The following TCF7L2 variants were observed in gnomAD, a reference collection of about 807,000 sequenced individuals.
The protein encoded by TCF7L2 is transcription factor 7 like 2, also known as transcription factor 7-like 2.
In TCF7L2, 23 loss-of-function variants were observed where a neutral mutation model predicts 77.9. The observed-to-expected ratio is 0.30, with a 90% CI of 0.21 to 0.42. The LOEUF (loss-of-function observed/expected upper bound fraction) is 0.42, where lower values mean the gene tolerates loss of function less well. TCF7L2 is among the 10% of genes least tolerant of loss of function. TCF7L2 has a pLI of 1.00. For synonymous variants in TCF7L2, 413 were observed against 340.2 expected, an observed-to-expected ratio of 1.21 and a Z score of -2.36; for missense variants, 654 against 793.1, an observed-to-expected ratio of 0.82 and a Z score of 2.11.
intron 5 of TCF7L2, among the ~76,000 whole-genome samples, chr10:113,104,781 C>T (rs2062076032): frequency 6.6e-6 from 1 of 152,214 alleles, no homozygotes; most frequent in African/African-American, 2.4e-5. Context: ...CAATTCTACT[C>T]TTCTGGCTGT....
intron 8 of TCF7L2, among the ~76,000 whole-genome samples, chr10:113,147,113 T>A (rs2069614350): frequency 6.6e-6 from 1 of 152,230 alleles, no homozygotes. Context: ...AGTTTTATTT[T>A]CTGTTCATCT....
intron 5 of TCF7L2, chr10:113,089,644 C>T: frequency 7.2e-7 from 1 of 1,395,228 alleles, no homozygotes; most frequent in South Asian, 1.5e-5. Context: ...CCACTGCGAT[C>T]CCTGAATTCT....
chr10:112,968,160 T>C (rs992228211), intron 4 of TCF7L2, among the ~76,000 whole-genome samples: 2 of 152,162 alleles, frequency 1.3e-5, no homozygotes, highest in Admixed American at 6.5e-5. Context: ...AGACACTAAA[T>C]GTTTTGGGCT....
chr10:113,054,010 AG>A (rs2054918537), intron 5 of TCF7L2, among the ~76,000 whole-genome samples: 1 of 152,140 alleles, frequency 6.6e-6, no homozygotes, highest in Non-Finnish European at 1.5e-5. Flanking sequence ...GGGGAGAGGC[AG>A]GTTTCCGGAC....
At chr10:112,981,078 C>T (rs1481793338) in intron 4 of TCF7L2, among the ~76,000 whole-genome samples, 1 of 152,148 alleles carries the variant, frequency 6.6e-6, no homozygotes, top group Non-Finnish European at 1.5e-5. Context: ...AACATTCTTA[C>T]CAAACCACCA....
intron 4 of TCF7L2, among the ~76,000 whole-genome samples, chr10:113,015,112 T>A (rs2047120682): frequency 6.6e-6 from 1 of 151,554 alleles, no homozygotes; most frequent in South Asian, 2.1e-4. Flanking sequence ...CCAGAACCTA[T>A]GAGGTGGAGG....
chr10:113,055,863 G>A (rs2055283319), intron 5 of TCF7L2, among the ~76,000 whole-genome samples: 1 of 152,224 alleles, frequency 6.6e-6, no homozygotes. Flanking sequence ...CAGATAGTTG[G>A]TGCAGGAATT....
At chr10:113,088,944 A>C (rs956123058) in intron 5 of TCF7L2, among the ~76,000 whole-genome samples, 5 of 152,060 alleles carry the variant, frequency 3.3e-5, no homozygotes, top group Non-Finnish European at 7.4e-5. Flanking sequence ...TCTCTTAGAA[A>C]AAAAAAAAAA....
chr10:113,061,747 C>T (rs2056480208), intron 5 of TCF7L2, among the ~76,000 whole-genome samples: 1 of 152,180 alleles, frequency 6.6e-6, no homozygotes, highest in African/African-American at 2.4e-5. Context: ...GTACAGTTCA[C>T]GTTCTGATCT....
chr10:113,146,811 A>C (rs2069525752), intron 8 of TCF7L2, among the ~76,000 whole-genome samples: 1 of 152,186 alleles, frequency 6.6e-6, no homozygotes, highest in Admixed American at 6.5e-5. Context: ...AGCACTTCTC[A>C]GTTTAGACTG....
intron 5 of TCF7L2, among the ~76,000 whole-genome samples, chr10:113,042,384 C>T (rs954045831): frequency 1.3e-5 from 2 of 152,156 alleles, no homozygotes; most frequent in African/African-American, 4.8e-5. Context: ...TTCTGCTGTG[C>T]TCAAGGGGAT....
intron 5 of TCF7L2, among the ~76,000 whole-genome samples, chr10:113,044,540 C>A (rs1221422428): frequency 2.0e-5 from 3 of 152,138 alleles, no homozygotes; most frequent in Non-Finnish European, 4.4e-5. Flanking sequence ...CCACAGTGGC[C>A]CCTACCTCTG....
chr10:113,144,552 T>G (rs2136951728), intron 7 of TCF7L2, among the ~76,000 whole-genome samples: 1 of 152,296 alleles, frequency 6.6e-6, no homozygotes, highest in Admixed American at 6.5e-5. Context: ...ACCCCCCACC[T>G]CATCCTGAAC....
At chr10:113,076,959 A>G (rs2058757888) in intron 5 of TCF7L2, among the ~76,000 whole-genome samples, 1 of 152,230 alleles carries the variant, frequency 6.6e-6, no homozygotes, top group African/African-American at 2.4e-5. Context: ...ACATTTCAGT[A>G]ATCCACCTGC....
chr10:113,037,132 G>A (rs1041411773), intron 4 of TCF7L2, among the ~76,000 whole-genome samples: 1 of 152,072 alleles, frequency 6.6e-6, no homozygotes, highest in Non-Finnish European at 1.5e-5. Flanking sequence ...AGCACCAATT[G>A]TAGAAGATGA....
intron 4 of TCF7L2, among the ~76,000 whole-genome samples, chr10:112,982,588 T>A (rs2040676879): frequency 6.6e-6 from 1 of 152,170 alleles, no homozygotes; most frequent in South Asian, 2.1e-4. Context: ...TTGAGTTATT[T>A]CTCCTGAATA....
intron 4 of TCF7L2, among the ~76,000 whole-genome samples, chr10:112,971,021 T>C (rs892151848): frequency 6.6e-6 from 1 of 152,220 alleles, no homozygotes; most frequent in African/African-American, 2.4e-5. Context: ...ATTGACTTGC[T>C]ATGGTGATGA....
chr10:112,968,731 A>G (rs1457917293), intron 4 of TCF7L2, among the ~76,000 whole-genome samples: 2 of 152,090 alleles, frequency 1.3e-5, no homozygotes, highest in African/African-American at 2.4e-5. Flanking sequence ...GGTACCTGCC[A>G]CCACGTTCGG....
chr10:113,128,663 G>C (rs1486625959), intron 5 of TCF7L2, among the ~76,000 whole-genome samples: 1 of 152,094 alleles, frequency 6.6e-6, no homozygotes, highest in African/African-American at 2.4e-5. Flanking sequence ...CTTAACACTT[G>C]GGGTGGGAAA....
Sources: gnomAD v4.1 joint callset for allele counts (sites outside exome capture counted in the v4.1 genomes callset) on GRCh38, gnomAD v4.1.1 for gene constraint, MANE v1.5 for transcripts, NCBI Gene and HGNC (gene_info 2026-07-23, HGNC 2026-07-21) for gene names.